Variants in USP24 observed in about 807,000 individuals in gnomAD.
The protein encoded by USP24 is ubiquitin specific peptidase 24.
A neutral mutation model predicts 361.6 loss-of-function variants in USP24; 97 were observed. The ratio of observed to expected loss-of-function variants is 0.27; its 90% confidence interval spans 0.23 to 0.32. USP24 has a LOEUF of 0.32. Among genes scored for constraint, USP24 ranks in the 10% least tolerant of loss-of-function variants. The pLI is 1.00. For synonymous variants in USP24, 1,098 were observed against 1,124.6 expected (o/e 0.98, Z 0.47); for missense variants, 2,353 against 3,165.6 (o/e 0.74, Z 6.16).
chr1:55,189,420 A>T (rs1644227891), intron 1 of USP24, among the ~76,000 whole-genome samples: 2 of 152,240 alleles, frequency 1.3e-5, no homozygotes, highest in Non-Finnish European at 2.9e-5. Context: ...TAAGTTCTGA[A>T]GTTCAGTTCT....
intron 26 of USP24, among the ~76,000 whole-genome samples, chr1:55,138,148 G>A (rs1019874298): frequency 2.0e-5 from 3 of 151,652 alleles, no homozygotes; most frequent in Non-Finnish European, 2.9e-5. Context: ...CCACTGCAGC[G>A]TTGTCCACTC....
At chr1:55,144,278 A>T in intron 20 of USP24, 75 bp from the exon 21 acceptor site, 1 of 970,500 alleles carries the variant, frequency 1.0e-6, no homozygotes, top group Non-Finnish European at 1.5e-6. Context: ...CTCAAAGTGG[A>T]TCAAGAACTA....
chr1:55,071,586 C>G (rs888541885), intron 67 of USP24: 1 of 1,286,796 alleles, frequency 7.8e-7, no homozygotes, highest in African/African-American at 1.5e-5. Context: ...TGGCCAGCCA[C>G]AAACACCTCG....
chr1:55,184,790 A>G (rs1644081266), intron 1 of USP24, among the ~76,000 whole-genome samples: 1 of 152,218 alleles, frequency 6.6e-6, no homozygotes, highest in Non-Finnish European at 1.5e-5. Context: ...AAATTCAAAA[A>G]TATGTGAAAA....
chr1:55,134,318 T>C lies in USP24; in HGVS notation c.3287+10A>G. The C allele has an allele frequency of 6.2e-7, 1 of 1,610,062 alleles. No homozygotes were observed. The highest frequency in any genetic ancestry group is 1.3e-5 in the African/African-American group (1 of 74,964). On this transcript the variant is annotated intron_variant, in intron 29 of 67. Transcript: ENST00000294383. ...TCTCTCTGCCAAGCCTCACAAATAT[T>C]TATATTTACCTTGGCTCTTCCAGAT...
intron 30 of USP24, among the ~76,000 whole-genome samples, chr1:55,133,439 G>C (rs1646647047): frequency 6.6e-6 from 1 of 152,158 alleles, no homozygotes; most frequent in African/African-American, 2.4e-5. Context: ...ATCACAACTA[G>C]AGTCTGATCT....
intron 1 of USP24, among the ~76,000 whole-genome samples, chr1:55,207,433 A>G (rs534175227): frequency 6.6e-6 from 1 of 152,246 alleles, no homozygotes; most frequent in Non-Finnish European, 1.5e-5. Flanking sequence ...TTGGAAACCT[A>G]CTGATACAGG....
chr1:55,072,256 AAC>A, intron 66 of USP24, 59 bp downstream of exon 66: 1 of 1,442,672 alleles, frequency 6.9e-7, no homozygotes, highest in Non-Finnish European at 9.6e-7. Context: ...GTTTCTGAGA[AAC>A]ACACTGAAAA....
chr1:55,097,305 A>G, intron 48 of USP24, 133 bp from the exon 49 acceptor site: 1 of 1,133,854 alleles, frequency 8.8e-7, no homozygotes, highest in Non-Finnish European at 1.2e-6. Flanking sequence ...CAGTTCAAGT[A>G]TAAAATCTCA....
chr1:55,167,607 TAGTC>T (rs1397365703), intron 5 of USP24, among the ~76,000 whole-genome samples: 4 of 152,220 alleles, frequency 2.6e-5, no homozygotes, highest in Admixed American at 2.6e-4. Flanking sequence ...GAATGAGACA[TAGTC>T]AGACACAACC....
Position 55,097,042 on chromosome 1 carries a change from G to A in USP24, c.5846C>T (p.Ala1949Val). ...GACAAGTTCATAGTTTTCTGTGAGG[G>A]CAACCTTTTTTCGTGGGGATCCTCC... is the stretch of plus-strand genomic sequence containing the variant. ...GGGGSPRKKV[A>V]LTENYELVGV... The change falls in exon 49 of 68, where the codon GCC (alanine) becomes GTC (valine). Residue 1949 changes from alanine to valine, a missense_variant. Transcript: ENST00000294383. The A allele has an allele frequency of 6.2e-7, 1 of 1,613,838 alleles. No homozygotes were observed. The highest frequency in any genetic ancestry group is 8.5e-7 in the Non-Finnish European group (1 of 1,179,868).
At position 55,107,290 on chromosome 1, in the gene USP24, G is replaced by T. The variant is rs201975935; in HGVS notation, c.4711C>A (p.Arg1571Ser). The change falls in exon 40 of 68, where the codon CGC (arginine) becomes AGC (serine). Residue 1571 changes from arginine (R) to serine (S), a missense_variant. Around this residue, in one of 8 missense-constraint regions of USP24, gnomAD observed 949 missense variants for 1,280.5 expected, o/e 0.74. Coordinates refer to ENST00000294383, the MANE Select transcript of USP24 (RefSeq NM_015306.3). ...AGTGAAAGAAGGGTCTTGATGAGGCGTAAGTGCCCTGCCAGTAAGATGTTG... is the reference window on the plus strand; with the variant it reads ...AGTGAAAGAAGGGTCTTGATGAGGCTTAAGTGCCCTGCCAGTAAGATGTTG... ...ADNILLAGHL[R>S]LIKTLLSLCG... 10 of 1,613,754 alleles carry T rather than the reference G, an allele frequency of 6.2e-6. No individual in the cohort carries two copies. The Admixed American group carries it at 6.7e-5, about 11-fold the overall frequency.
At position 55,097,079 on chromosome 1, in the gene USP24, C is replaced by A. The variant is rs763099925; in HGVS notation, c.5809G>T (p.Asp1937Tyr). ...SEVGENGRSV[D>Y]QGGGGSPRKK... ...CGTGGGGATCCTCCACCGCCCTGAT[C>A]CACACTTCGCCCATTTTCCCCAACT... Residue 1937 changes from aspartate (D) to tyrosine (Y), a missense_variant, in exon 49 of 68, where the codon GAT becomes TAT. Physicochemically the swap from Asp to Tyr is radical, Grantham distance 160. Transcript: ENST00000294383. 2 of 1,613,958 alleles carry A rather than the reference C, an allele frequency of 1.2e-6. No individual in the cohort carries two copies. The highest frequency in any genetic ancestry group is 8.5e-7 in the Non-Finnish European group (1 of 1,179,878).
intron 31 of USP24, among the ~76,000 whole-genome samples, chr1:55,130,348 T>C (rs1557606784): frequency 6.6e-6 from 1 of 152,194 alleles, no homozygotes; most frequent in African/African-American, 2.4e-5. Flanking sequence ...TACAGGAAGA[T>C]TGAAGGATTA....
intron 1 of USP24, among the ~76,000 whole-genome samples, chr1:55,192,124 A>C (rs1644305399): frequency 6.6e-6 from 1 of 150,894 alleles, no homozygotes; most frequent in Non-Finnish European, 1.5e-5. Flanking sequence ...ATCAACATGC[A>C]AGCTTTTAAG....
intron 1 of USP24, among the ~76,000 whole-genome samples, chr1:55,197,241 C>A (rs1021899350): frequency 6.6e-6 from 1 of 152,170 alleles, no homozygotes; most frequent in African/African-American, 2.4e-5. Context: ...TATCATACCC[C>A]CTACCCACTG....
chr1:55,097,445 G>A (rs1645521988), intron 48 of USP24, among the ~76,000 whole-genome samples, 153 bp downstream of exon 48: 1 of 151,992 alleles, frequency 6.6e-6, no homozygotes, highest in Non-Finnish European at 1.5e-5. Context: ...GCCTATTCCG[G>A]TAACAGCAGC....
intron 7 of USP24, among the ~76,000 whole-genome samples, chr1:55,164,844 G>C (rs1648666445): frequency 6.6e-6 from 1 of 151,158 alleles, no homozygotes; most frequent in South Asian, 2.1e-4. Flanking sequence ...GTTTTTCTTT[G>C]GTTTTGCTTT....
At chr1:55,212,185 G>T (rs1251410874) in intron 1 of USP24, among the ~76,000 whole-genome samples, 1 of 152,202 alleles carries the variant, frequency 6.6e-6, no homozygotes, top group Non-Finnish European at 1.5e-5. Context: ...AATTTCTAAA[G>T]TATGCTTCTT....
Sources: gnomAD v4.1 joint callset for allele counts (sites outside exome capture counted in the v4.1 genomes callset) on GRCh38, gnomAD v4.1.1 for gene constraint, gnomAD v4.1.1 regional missense constraint, MANE v1.5 for transcripts, NCBI Gene and HGNC (gene_info 2026-07-23, HGNC 2026-07-21) for gene names.